The following CWC27 variants were observed in gnomAD, a reference collection of about 807,000 sequenced individuals.
CWC27 encodes CWC27 spliceosome associated cyclophilin, also known as spliceosome-associated protein CWC27 homolog.
Under a neutral mutation model 63.6 loss-of-function variants are expected in CWC27, and 47 were observed. That is an observed-to-expected ratio of 0.74 (90% CI 0.58 to 0.94). CWC27 has a LOEUF of 0.94. Among genes scored for constraint, CWC27 ranks in the 40% least tolerant of loss-of-function variants. CWC27 has a pLI of 0.00. For missense variants in CWC27, 495 were observed against 554.3 expected, an observed-to-expected ratio of 0.89 and a Z score of 1.07; for synonymous variants, 175 against 179.8, an observed-to-expected ratio of 0.97 and a Z score of 0.22.
chr5:64,935,040 C>G (rs1748318226), intron 11 of CWC27, among the ~76,000 whole-genome samples: 1 of 152,118 alleles, frequency 6.6e-6, no homozygotes, highest in Non-Finnish European at 1.5e-5. Flanking sequence ...AAATTCTCTC[C>G]CATTCTGTAG....
At chr5:64,906,935 A>C (rs190274907) in intron 11 of CWC27, among the ~76,000 whole-genome samples, 5 of 152,256 alleles carry the variant, frequency 3.3e-5, no homozygotes, top group Admixed American at 1.3e-4. Flanking sequence ...TCCTTTCCCC[A>C]TTTTGTGTTT....
At chr5:64,943,195 A>G (rs1748522058) in intron 11 of CWC27, among the ~76,000 whole-genome samples, 1 of 151,850 alleles carries the variant, frequency 6.6e-6, no homozygotes, top group Non-Finnish European at 1.5e-5. Flanking sequence ...GTTAACGAAT[A>G]AAACAAATGT....
chr5:64,782,688 T>C (rs1316387508), intron 3 of CWC27, among the ~76,000 whole-genome samples: 9 of 152,154 alleles, frequency 5.9e-5, no homozygotes, highest in Admixed American at 5.9e-4. Context: ...TCTTAAAATA[T>C]GGGAGTTTTT....
intron 11 of CWC27, among the ~76,000 whole-genome samples, chr5:64,926,034 A>G (rs563244927): frequency 6.6e-6 from 1 of 152,292 alleles, no homozygotes; most frequent in African/African-American, 2.4e-5. Context: ...CTTTTGAAAG[A>G]TGATTCACCA....
rs142873535 is a variant in CWC27, at chr5:65,008,902, T to C, written c.1257-9257T>C. ...GTGAGTTGGGATCAAATAAGTTATATGTGTATGATGATGTACACAAAACAC... is the reference window on the plus strand; with the variant it reads ...GTGAGTTGGGATCAAATAAGTTATACGTGTATGATGATGTACACAAAACAC... On this transcript the variant is annotated intron_variant, in intron 13 of 13. Coordinates refer to ENST00000381070, the MANE Select transcript of CWC27 (RefSeq NM_005869.4). Among the ~76,000 whole-genome samples the C allele has an allele frequency of 3.4e-3, 524 of 152,334 alleles. 1 individual carries two copies. Among genetic ancestry groups the C allele is most frequent in the Non-Finnish European group, 5.7e-3 (386 of 68,028 alleles).
chr5:64,928,894 A>G (rs1279474465), intron 11 of CWC27, among the ~76,000 whole-genome samples: 1 of 152,114 alleles, frequency 6.6e-6, no homozygotes, highest in Non-Finnish European at 1.5e-5. Context: ...AAAAAATTTG[A>G]TTATGTTATT....
intron 11 of CWC27, among the ~76,000 whole-genome samples, chr5:64,910,959 C>G (rs1380303779): frequency 6.6e-6 from 1 of 152,164 alleles, no homozygotes; most frequent in Non-Finnish European, 1.5e-5. Flanking sequence ...TGGGCTGCAC[C>G]CATTGTCCAA....
At chr5:64,946,055 A>G (rs1236688682) in intron 11 of CWC27, among the ~76,000 whole-genome samples, 1 of 152,158 alleles carries the variant, frequency 6.6e-6, no homozygotes, top group Non-Finnish European at 1.5e-5. Context: ...CATTTTGCCC[A>G]CATCATTCCC....
chr5:64,984,111 G>A (rs979419677), intron 13 of CWC27, among the ~76,000 whole-genome samples: 5 of 152,138 alleles, frequency 3.3e-5, no homozygotes, highest in Admixed American at 6.5e-5. Flanking sequence ...GGGATTACAG[G>A]CATGAGCTAC....
intron 13 of CWC27, among the ~76,000 whole-genome samples, chr5:65,012,259 A>G (rs765028623): frequency 2.6e-5 from 4 of 152,232 alleles, no homozygotes; most frequent in Admixed American, 6.5e-5. Flanking sequence ...GACATAGAAG[A>G]AAGTATCTGG....
chr5:64,862,570 G>T (rs967610540), intron 10 of CWC27, among the ~76,000 whole-genome samples: 1 of 152,094 alleles, frequency 6.6e-6, no homozygotes, highest in East Asian at 1.9e-4. Context: ...TATATGTAAT[G>T]AATTAATAAT....
intron 11 of CWC27, among the ~76,000 whole-genome samples, chr5:64,952,266 A>C (rs1373986983): frequency 6.6e-6 from 1 of 152,008 alleles, no homozygotes; most frequent in African/African-American, 2.4e-5. Context: ...TTTTTTTCCA[A>C]ATAATTTTGA....
intron 10 of CWC27, among the ~76,000 whole-genome samples, chr5:64,806,211 A>T (rs182712508): frequency 3.5e-4 from 54 of 152,338 alleles, no homozygotes; most frequent in African/African-American, 1.2e-3. Context: ...GCAAAATTAA[A>T]ATCACATAAT....
intron 13 of CWC27, among the ~76,000 whole-genome samples, chr5:65,009,611 G>A (rs904330684): frequency 6.6e-6 from 1 of 152,150 alleles, no homozygotes; most frequent in African/African-American, 2.4e-5. Flanking sequence ...CTGCATCCCT[G>A]TGTTGTGATT....
rs76608962 is a variant in CWC27, at chr5:64,968,230, G to A, written c.1043-3473G>A. ...AAATATTCAGTTAAATGACAATACC[G>A]ATATATTTGGAGATATGGAGCAACT... On this transcript the variant is annotated intron_variant, in intron 11 of 13. Transcript: ENST00000381070. Among the ~76,000 whole-genome samples, 625 of 152,096 alleles carry A rather than the reference G, an allele frequency of 4.1e-3. 2 individuals are homozygous for A. Among genetic ancestry groups the A allele is most frequent in the African/African-American group, 0.014 (582 of 41,528 alleles).
intron 11 of CWC27, among the ~76,000 whole-genome samples, chr5:64,923,784 G>A (rs1347247): frequency 0.92 from 138,604 of 151,002 alleles, 63,629 homozygotes; most frequent in East Asian, 0.99. Context: ...AACATTTTCA[G>A]CTCTCTTTTT....
chr5:64,947,645 G>A (rs776634703), intron 11 of CWC27, among the ~76,000 whole-genome samples: 1 of 152,078 alleles, frequency 6.6e-6, no homozygotes, highest in Non-Finnish European at 1.5e-5. Flanking sequence ...TTTACAAAAT[G>A]TTATATGGCA....
At position 64,977,117 on chromosome 5, in the gene CWC27, G is replaced by C. The variant is rs1404529439; in HGVS notation, c.1153-18G>C. 3 of 1,478,640 alleles carry C rather than the reference G, an allele frequency of 2.0e-6. No individual in the cohort carries two copies. The highest frequency in any genetic ancestry group is 2.8e-6 in the Non-Finnish European group (3 of 1,081,684). 91.6% of individuals were successfully genotyped at this position (1,478,640 alleles called of 1,614,324 possible). ...TTTATCTTTATCAGAAAACTTAGCA[G>C]TCTAATTGTTATTTCAGACCCTTGC... On this transcript the variant is annotated intron_variant, in intron 12 of 13. Coordinates refer to ENST00000381070, the MANE Select transcript of CWC27 (RefSeq NM_005869.4).
intron 13 of CWC27, among the ~76,000 whole-genome samples, chr5:64,983,177 T>A (rs1388774382): frequency 6.6e-6 from 1 of 152,174 alleles, no homozygotes; most frequent in Non-Finnish European, 1.5e-5. Context: ...CTTTTGTTTA[T>A]ATGGAATATA....
Sources: allele counts gnomAD v4.1 joint callset (sites outside exome capture counted in the v4.1 genomes callset), GRCh38; gene constraint gnomAD v4.1.1; transcripts MANE v1.5; gene names NCBI Gene and HGNC (gene_info 2026-07-23, HGNC 2026-07-21).